The following LRRC9 variants were observed in gnomAD, a reference collection of about 807,000 sequenced individuals.
LRRC9 encodes the protein leucine-rich repeat-containing protein 9.
A neutral mutation model predicts 63.2 loss-of-function variants in LRRC9; 122 were observed. The ratio of observed to expected loss-of-function variants is 1.93; its 90% CI spans 1.67 to 2.24. LRRC9 has a LOEUF of 2.24. LRRC9 is among the 30% of genes most tolerant of loss of function. The pLI is 0.00. For missense variants in LRRC9, 1,071 were observed against 627.7 expected (o/e 1.71, Z -7.55); for synonymous variants, 366 against 213.1 (o/e 1.72, Z -6.25).
chr14:60,026,955 CA>C (rs1891604567), intron 27 of LRRC9, among the ~76,000 whole-genome samples: 1 of 152,004 alleles, frequency 6.6e-6, no homozygotes, highest in Admixed American at 6.6e-5. Context: ...TTTTTAAAGA[CA>C]CTTTCTCCAA....
chr14:59,997,256 T>C (rs1888895966), intron 17 of LRRC9, among the ~76,000 whole-genome samples: 1 of 152,130 alleles, frequency 6.6e-6, no homozygotes, highest in African/African-American at 2.4e-5. Flanking sequence ...AGTATTAAGT[T>C]AACAGGTTTA....
intron 29 of LRRC9, among the ~76,000 whole-genome samples, chr14:60,034,423 T>C (rs1379333213): frequency 1.3e-5 from 2 of 152,192 alleles, no homozygotes; most frequent in Non-Finnish European, 2.9e-5. Context: ...TTACCATCTT[T>C]ACATTTTTAA....
chr14:60,053,410 CACACACACACAT>C lies in LRRC9; in HGVS notation c.4131+207_4131+218del, dbSNP rs199898352. Among the ~76,000 whole-genome samples, 423 of 95,650 alleles carry C rather than the reference CACACACACACAT, an allele frequency of 4.4e-3. 4 individuals are homozygous for C. The highest frequency in any genetic ancestry group is 0.03 in the Admixed American group (232 of 7,736). The allele number at this position is 95,650 out of a possible 152,430, so 62.8% of individuals were successfully genotyped here. A position where few individuals can be genotyped will look rare whatever the true frequency, so the allele number is the denominator to read the frequency against. ...ACACACACACACACACACACACACA[CACACACACACAT>C]ATATATGTAAGTCAGGGAACATCCT... On this transcript the variant is annotated intron_variant, in intron 30 of 31. Transcript: ENST00000445360. The surrounding 1 kb of genome is among the most constrained non-coding windows in gnomAD (Gnocchi z 4.8).
chr14:60,022,972 A>G (rs1314493767), intron 27 of LRRC9, 102 bp downstream of exon 27: 2 of 412,508 alleles, frequency 4.8e-6, no homozygotes, highest in South Asian at 1.7e-4. Flanking sequence ...ATTTACTCAA[A>G]CATTCATAGA....
At chr14:59,987,212 G>A (rs1471342007) in intron 17 of LRRC9, among the ~76,000 whole-genome samples, 1 of 151,576 alleles carries the variant, frequency 6.6e-6, no homozygotes. Context: ...TGCAGTAATC[G>A]TCTTCCTGGA....
chr14:59,945,894 T>C (rs1350340270), intron 8 of LRRC9, among the ~76,000 whole-genome samples: 1 of 151,902 alleles, frequency 6.6e-6, no homozygotes, highest in African/African-American at 2.4e-5. Context: ...AGAAACTGTT[T>C]CACCTATAAA....
chr14:60,047,053 C>G (rs1170993189), intron 29 of LRRC9, among the ~76,000 whole-genome samples: 1 of 152,040 alleles, frequency 6.6e-6, no homozygotes, highest in Non-Finnish European at 1.5e-5. Flanking sequence ...TGATTTGACT[C>G]TCTGCTTGCC....
rs982942873 is a variant in LRRC9, at chr14:60,043,236, G to C, written c.3991-9829G>C. Reference sequence around the variant, plus strand: ...TTCTAAGCATAGGATCACAGTGTCTGCAAACAAGGCTTATTTTGCTCCTAC... The same window carrying C: ...TTCTAAGCATAGGATCACAGTGTCTCCAAACAAGGCTTATTTTGCTCCTAC... On this transcript the variant is annotated intron_variant, in intron 29 of 31. Coordinates refer to ENST00000445360, the Ensembl canonical transcript of LRRC9. Among the ~76,000 whole-genome samples the C allele has an allele frequency of 4.6e-5, 7 of 152,268 alleles. No homozygotes were observed. In the East Asian group the frequency reaches 1.3e-3, roughly 29 times the overall value.
At chr14:60,024,378 T>C (rs1307344405) in intron 27 of LRRC9, among the ~76,000 whole-genome samples, 1 of 135,684 alleles carries the variant, frequency 7.4e-6, no homozygotes, top group Non-Finnish European at 1.6e-5. Context: ...TAGTCAACAA[T>C]AGATAGGAGC....
At chr14:60,024,325 G>A (rs1891348664) in intron 27 of LRRC9, among the ~76,000 whole-genome samples, 1 of 152,062 alleles carries the variant, frequency 6.6e-6, no homozygotes. Context: ...ATAGAGCCAG[G>A]ACCAAAGTAG....
In LRRC9 at chr14:59,962,762, T is replaced by G. The variant is rs1207032292; in HGVS notation, c.1211+1717T>G. On this transcript the variant is annotated intron_variant, in intron 10 of 31. Transcript: ENST00000445360. This position sits in a 1 kb window ranked among gnomAD's most constrained non-coding sequence, Gnocchi z 5.1. Reference sequence around the variant, plus strand: ...TTAAATTATTGCAGAGGAAACTCTTTGCAACAAGTGGATTAGTGAAAAAAA... The same window carrying G: ...TTAAATTATTGCAGAGGAAACTCTTGGCAACAAGTGGATTAGTGAAAAAAA... 6.6e-6 allele frequency among the ~76,000 whole-genome samples: 1 copy of G among 150,418 alleles called. No individual in the cohort carries two copies. Among genetic ancestry groups the G allele is most frequent in the East Asian group, 2.0e-4 (1 of 5,036 alleles).
rs1157734381 is a variant in LRRC9 at position 59,927,930 on chromosome 14, GT to G, written c.-9del. On this transcript the variant is annotated 5_prime_UTR_variant, in exon 2 of 32. Coordinates refer to ENST00000445360, the Ensembl canonical transcript of LRRC9. This position sits in a 1 kb window ranked among gnomAD's most constrained non-coding sequence, Gnocchi z 4.4. ...TAAAAGTTATAATATTATGATCACT[GT>G]TTTTAATGGAAGATGATTGAAAGTG... 8.9e-6 allele frequency: 6 copies of G among 675,654 alleles called. No homozygotes were observed. Among genetic ancestry groups the G allele is most frequent in the Admixed American group, 8.9e-5 (4 of 45,156 alleles). The allele number at this position is 675,654 out of a possible 1,614,324, so 41.9% of individuals were successfully genotyped here.
At chr14:59,945,550 C>A (rs1247707718) in intron 8 of LRRC9, among the ~76,000 whole-genome samples, 1 of 151,606 alleles carries the variant, frequency 6.6e-6, no homozygotes, top group Non-Finnish European at 1.5e-5. Context: ...TCTCAGCCTG[C>A]TAAATGAAAG....
chr14:59,928,927 A>C (rs999805499), intron 3 of LRRC9, among the ~76,000 whole-genome samples: 2 of 152,138 alleles, frequency 1.3e-5, no homozygotes, highest in Non-Finnish European at 2.9e-5. Flanking sequence ...ATTAAACTCA[A>C]GATGAATTAA....
intron 8 of LRRC9, among the ~76,000 whole-genome samples, chr14:59,946,580 T>C (rs1404883491): frequency 1.3e-5 from 2 of 148,714 alleles, no homozygotes; most frequent in African/African-American, 4.9e-5. Flanking sequence ...TATGTATACA[T>C]GTGCCATGCT....
Position 60,008,078 on chromosome 14 carries a change from A to C in LRRC9, c.3064-14A>C, listed in dbSNP as rs748752479. The C allele has an allele frequency of 3.1e-5, 21 of 667,714 alleles. No individual in the cohort carries two copies. Among genetic ancestry groups the C allele is most frequent in the Non-Finnish European group, 5.4e-5 (20 of 369,570 alleles). 41.4% of individuals were successfully genotyped at this position (667,714 alleles called of 1,614,324 possible). On this transcript the variant is annotated splice_polypyrimidine_tract_variant and intron_variant, in intron 22 of 31. Transcript: ENST00000445360. ...AATATACATATAGATGAATATATGT[A>C]TTTTATTACCTAGGGTTTATGCAAC...
At chr14:59,946,497 T>C (rs2139871502) in intron 8 of LRRC9, among the ~76,000 whole-genome samples, 1 of 151,102 alleles carries the variant, frequency 6.6e-6, no homozygotes, top group South Asian at 2.1e-4. Context: ...ATTTTCTTTT[T>C]TTTTGTCTTT....
At chr14:59,928,307 G>A (rs145698407) in exon 3 of LRRC9, 7,049 of 645,816 alleles carry the variant, frequency 0.011, 61 homozygotes, top group Middle Eastern at 0.015. Flanking sequence ...GGTTGGACAA[G>A]AAGGATCAGA....
chr14:59,933,366 G>C (rs773715554), intron 6 of LRRC9, among the ~76,000 whole-genome samples: 3 of 152,070 alleles, frequency 2.0e-5, no homozygotes, highest in Non-Finnish European at 4.4e-5. Flanking sequence ...TGGACATGTA[G>C]TAAATCTCAA....
Sources: allele counts gnomAD v4.1 joint callset (sites outside exome capture counted in the v4.1 genomes callset), GRCh38; gene constraint gnomAD v4.1.1; non-coding constraint Gnocchi (gnomAD v3.1); transcripts MANE v1.5; gene names NCBI Gene and HGNC (gene_info 2026-07-23, HGNC 2026-07-21).